The following CBLB variants were observed in gnomAD, a reference collection of about 807,000 sequenced individuals.
The protein encoded by CBLB is E3 ubiquitin-protein ligase CBL-B.
A neutral mutation model predicts 104.9 loss-of-function variants in CBLB; 31 were observed. The ratio of observed to expected loss-of-function variants is 0.30; its 90% CI spans 0.22 to 0.40. The LOEUF is 0.40. Among genes scored for constraint, CBLB ranks in the 10% least tolerant of loss-of-function variants. The pLI is 1.00. For synonymous variants in CBLB, 440 were observed against 422.6 expected (o/e 1.04, Z -0.51); for missense variants, 1,062 against 1,214.6 (o/e 0.87, Z 1.87).
At position 105,810,327 on chromosome 3, in the gene CBLB, A is replaced by T. The variant is rs577832751; in HGVS notation, c.420-33785T>A. Reference sequence around the variant, plus strand: ...AAGTTTCTTGGCCCAAAATCTTTTTAAAAAAATGTCCTGGTAAAAAATTAA... The same window carrying T: ...AAGTTTCTTGGCCCAAAATCTTTTTTAAAAAATGTCCTGGTAAAAAATTAA... On this transcript the variant is annotated intron_variant, in intron 3 of 18. Transcript: ENST00000394030. Among the ~76,000 whole-genome samples the T allele has an allele frequency of 1.4e-4, 21 of 152,240 alleles. No homozygotes were observed. The South Asian group carries it at 1.7e-3, about 12-fold the overall frequency.
At chr3:105,716,919 G>T (rs2071982945) in intron 10 of CBLB, among the ~76,000 whole-genome samples, 1 of 152,080 alleles carries the variant, frequency 6.6e-6, no homozygotes, top group Admixed American at 6.6e-5. Context: ...TTGACAGAAA[G>T]CTCACCAGTG....
In CBLB at chr3:105,678,430, C is replaced by G; in HGVS notation, c.2569+1G>C. 1 of 1,613,832 alleles carries G rather than the reference C, an allele frequency of 6.2e-7. No homozygotes were observed. Among genetic ancestry groups the G allele is most frequent in the Non-Finnish European group, 8.5e-7 (1 of 1,179,882 alleles). On this transcript the variant is annotated splice_donor_variant, in intron 17 of 18. Transcript: ENST00000394030. LOFTEE classifies it high-confidence loss of function. Reference sequence around the variant, plus strand: ...AGTTTTCTTTGGCTTTTCCCTCCTACCTGAAGGAAGAAGAAAAAGATCCTG... The same window carrying G: ...AGTTTTCTTTGGCTTTTCCCTCCTAGCTGAAGGAAGAAGAAAAAGATCCTG...
chr3:105,853,300 C>T (rs776695637), intron 3 of CBLB, 114 bp downstream of exon 3: 83 of 1,049,080 alleles, frequency 7.9e-5, no homozygotes, highest in Non-Finnish European at 1.1e-4. Flanking sequence ...TGACTATATA[C>T]AAAGCGACTC....
At chr3:105,827,345 C>T (rs187514803) in intron 3 of CBLB, among the ~76,000 whole-genome samples, 6 of 152,252 alleles carry the variant, frequency 3.9e-5, no homozygotes, top group Non-Finnish European at 4.4e-5. Context: ...CCATCTCCCA[C>T]ACAGAAGTTG....
intron 9 of CBLB, 138 bp from the exon 10 acceptor site, chr3:105,720,388 G>A (rs2072625000): frequency 1.4e-6 from 1 of 732,838 alleles, no homozygotes; most frequent in South Asian, 1.6e-5. Flanking sequence ...GATTTCTCTT[G>A]AAGTGGTAGT....
At chr3:105,846,103 A>G (rs549583998) in intron 3 of CBLB, among the ~76,000 whole-genome samples, 1 of 152,214 alleles carries the variant, frequency 6.6e-6, no homozygotes, top group African/African-American at 2.4e-5. Context: ...AATGCAAACA[A>G]ATATAGAAAA....
chr3:105,740,652 A>G (rs1365791061), intron 6 of CBLB, 21 bp from the exon 7 acceptor site: 11 of 1,595,406 alleles, frequency 6.9e-6, no homozygotes, highest in Non-Finnish European at 8.6e-6. Flanking sequence ...TAAGAAAATT[A>G]CATCTAATTA....
At chr3:105,773,730 T>C (rs973084228) in intron 4 of CBLB, among the ~76,000 whole-genome samples, 1 of 152,256 alleles carries the variant, frequency 6.6e-6, no homozygotes, top group Non-Finnish European at 1.5e-5. Context: ...CTTAGACACA[T>C]TTATTCAATA....
chr3:105,706,245 C>T (rs1367985571), intron 10 of CBLB, among the ~76,000 whole-genome samples: 1 of 152,160 alleles, frequency 6.6e-6, no homozygotes, highest in Non-Finnish European at 1.5e-5. Context: ...AAGTCTTTGT[C>T]TCTGTTGGTG....
At chr3:105,797,079 A>T (rs902184830) in intron 3 of CBLB, among the ~76,000 whole-genome samples, 1 of 152,238 alleles carries the variant, frequency 6.6e-6, no homozygotes, top group Non-Finnish European at 1.5e-5. Flanking sequence ...CAATTCCATT[A>T]TTGTGTATAT....
intron 3 of CBLB, among the ~76,000 whole-genome samples, chr3:105,822,893 A>T (rs1409956679): frequency 2.6e-5 from 4 of 152,156 alleles, no homozygotes; most frequent in Admixed American, 2.6e-4. Context: ...CTTCCCCAGA[A>T]TAGCATAGAT....
chr3:105,735,171 A>G (rs1282285618), intron 8 of CBLB, among the ~76,000 whole-genome samples: 1 of 152,226 alleles, frequency 6.6e-6, no homozygotes, highest in Non-Finnish European at 1.5e-5. Context: ...GGTGAGAAAA[A>G]TATACATATA....
chr3:105,852,502 A>C (rs574462037), intron 3 of CBLB, among the ~76,000 whole-genome samples: 1 of 152,082 alleles, frequency 6.6e-6, no homozygotes, highest in Non-Finnish European at 1.5e-5. Flanking sequence ...TCAAAAAGTT[A>C]AAAAAAATTA....
chr3:105,861,196 T>TA (rs1210638238), intron 2 of CBLB, among the ~76,000 whole-genome samples: 1 of 152,052 alleles, frequency 6.6e-6, no homozygotes, highest in Non-Finnish European at 1.5e-5. Flanking sequence ...GCAGAGTAGA[T>TA]AAAAATAGCA....
chr3:105,721,247 G>A (rs141756079), intron 9 of CBLB, among the ~76,000 whole-genome samples: 43 of 152,268 alleles, frequency 2.8e-4, no homozygotes, highest in Admixed American at 9.2e-4. Flanking sequence ...GAGAGCTGAC[G>A]TCTTTAAAGA....
intron 12 of CBLB, among the ~76,000 whole-genome samples, chr3:105,700,593 T>C (rs531201961): frequency 6.6e-6 from 1 of 152,280 alleles, no homozygotes; most frequent in Admixed American, 6.5e-5. Flanking sequence ...TATTATAAAA[T>C]TGGTTTTATT....
chr3:105,753,376 TAAA>T (rs35630648), intron 4 of CBLB, among the ~76,000 whole-genome samples: 32,908 of 151,014 alleles, frequency 0.22, 3,704 homozygotes, highest in Admixed American at 0.26. Context: ...CTGTTTTTTT[TAAA>T]AAAAAAAGGA....
chr3:105,806,188 C>A (rs1041741433), intron 3 of CBLB, among the ~76,000 whole-genome samples: 1 of 151,944 alleles, frequency 6.6e-6, no homozygotes, highest in African/African-American at 2.4e-5. Flanking sequence ...GAAATTGATT[C>A]TGGGTTTAAA....
intron 4 of CBLB, among the ~76,000 whole-genome samples, chr3:105,774,035 G>A (rs552271857): frequency 6.6e-6 from 1 of 152,162 alleles, no homozygotes; most frequent in Non-Finnish European, 1.5e-5. Flanking sequence ...AAATTTAATT[G>A]CCATTGCGAC....
Sources: allele counts gnomAD v4.1 joint callset (sites outside exome capture counted in the v4.1 genomes callset), GRCh38; gene constraint gnomAD v4.1.1; transcripts MANE v1.5; gene names NCBI Gene and HGNC (gene_info 2026-07-23, HGNC 2026-07-21).